Variants in LMLN observed in about 807,000 individuals in gnomAD.
LMLN encodes the protein leishmanolysin-like peptidase.
In LMLN, 70 loss-of-function variants were observed where a neutral mutation model predicts 92.3. The observed-to-expected ratio is 0.76, with a 90% CI of 0.63 to 0.92. The LOEUF is 0.92. Among genes scored for constraint, LMLN ranks in the 40% least tolerant of loss-of-function variants. LMLN has a pLI of 0.00. For synonymous variants in LMLN, 308 were observed against 296.2 expected, an observed-to-expected ratio of 1.04 and a Z score of -0.41; for missense variants, 691 against 814.6, an observed-to-expected ratio of 0.85 and a Z score of 1.85.
chr3:197,991,111 C>A (rs1163463519), intron 9 of LMLN, among the ~76,000 whole-genome samples: 1 of 137,894 alleles, frequency 7.3e-6, no homozygotes, highest in Non-Finnish European at 1.6e-5. Flanking sequence ...TTCTTTCTTT[C>A]TTTTTTTTTT....
At chr3:197,980,354 G>T in exon 6 of LMLN, 1 of 1,613,946 alleles carries the variant, frequency 6.2e-7, no homozygotes, top group Non-Finnish European at 8.5e-7. Context: ...GGGGGTAAGT[G>T]GCCTCATGGA....
intron 5 of LMLN, among the ~76,000 whole-genome samples, chr3:197,977,659 C>G (rs1159444929): frequency 6.6e-6 from 1 of 151,536 alleles, no homozygotes; most frequent in Non-Finnish European, 1.5e-5. Flanking sequence ...TAAAAATCAT[C>G]AAACAATCTG....
intron 11 of LMLN, among the ~76,000 whole-genome samples, chr3:198,017,504 A>G (rs757483829): frequency 1.1e-4 from 16 of 151,952 alleles, no homozygotes; most frequent in African/African-American, 3.6e-4. Flanking sequence ...AAATCGCCCA[A>G]CTCCTCTGCC....
At position 198,025,837 on chromosome 3, in the gene LMLN, A is replaced by G. The variant is rs1332440637; in HGVS notation, c.1656+1049A>G. ...AGGACAGCGTAAGCCTGAGAAATGC[A>G]GAATCAGCATTCCTGTGCCATTTCA... is the stretch of plus-strand genomic sequence containing the variant. On this transcript the variant is annotated intron_variant, in intron 14 of 15. Coordinates refer to ENST00000330198, the Ensembl canonical transcript of LMLN. The surrounding 1 kb of genome is among the most constrained non-coding windows in gnomAD (Gnocchi z 4.3). Among the ~76,000 whole-genome samples, 3 of 152,248 alleles carry G rather than the reference A, an allele frequency of 2.0e-5. No homozygotes were observed. The highest frequency in any genetic ancestry group is 4.4e-5 in the Non-Finnish European group (3 of 68,036).
In LMLN at chr3:197,996,289, T is replaced by A. The variant is rs1196225022; in HGVS notation, c.1155+7T>A. ...GGAAAAAAGGTTATTAGAGGTCAGT[T>A]TGTTTTTAAATTTTCCTAGACTTTA... On this transcript the variant is annotated splice_region_variant and intron_variant, in intron 10 of 15. Transcript: ENST00000330198. 1 of 1,503,982 alleles carries A rather than the reference T, an allele frequency of 6.6e-7. No individual in the cohort carries two copies. Among genetic ancestry groups the A allele is most frequent in the Non-Finnish European group, 9.0e-7 (1 of 1,105,728 alleles). 93.2% of individuals were successfully genotyped at this position (1,503,982 alleles called of 1,614,324 possible).
chr3:197,993,167 A>C (rs561484732), intron 9 of LMLN, among the ~76,000 whole-genome samples: 2 of 152,264 alleles, frequency 1.3e-5, no homozygotes, highest in Admixed American at 1.3e-4. Flanking sequence ...GACACCCACA[A>C]CCAATCTTAT....
intron 5 of LMLN, among the ~76,000 whole-genome samples, chr3:197,977,299 A>C (rs1721411624): frequency 1.3e-5 from 2 of 152,232 alleles, no homozygotes; most frequent in Admixed American, 1.3e-4. Flanking sequence ...ATCAGTATGC[A>C]GTTAGCCCAT....
At chr3:198,005,639 T>TTG in intron 11 of LMLN, among the ~76,000 whole-genome samples, 1 of 123,500 alleles carries the variant, frequency 8.1e-6, no homozygotes, top group Non-Finnish European at 1.7e-5. Flanking sequence ...TTTCTTTTTC[T>TTG]TTTTTTTTTT....
chr3:198,032,494 G>T (rs1723104024), intron 14 of LMLN, among the ~76,000 whole-genome samples: 1 of 152,122 alleles, frequency 6.6e-6, no homozygotes, highest in South Asian at 2.1e-4. Flanking sequence ...TCTGAGGCTG[G>T]GTAATTTATA....
At chr3:198,002,184 C>T (rs1175587842) in intron 11 of LMLN, among the ~76,000 whole-genome samples, 1 of 152,086 alleles carries the variant, frequency 6.6e-6, no homozygotes, top group Non-Finnish European at 1.5e-5. Context: ...CAAGGTCTCA[C>T]TCTATTTCCC....
At chr3:197,988,926 G>A (rs1721789237) in intron 8 of LMLN, among the ~76,000 whole-genome samples, 3 of 152,132 alleles carry the variant, frequency 2.0e-5, no homozygotes, top group South Asian at 4.2e-4. Flanking sequence ...CTAGTGATTC[G>A]CCCATCTCGG....
At chr3:197,990,776 G>A (rs1721845275) in intron 9 of LMLN, 100 bp downstream of exon 9, 4 of 510,186 alleles carry the variant, frequency 7.8e-6, no homozygotes, top group Non-Finnish European at 1.4e-5. Flanking sequence ...CTTATAATTA[G>A]AGCCTATAGT....
intron 13 of LMLN, among the ~76,000 whole-genome samples, chr3:198,022,205 G>A (rs910105934): frequency 1.3e-5 from 2 of 152,132 alleles, no homozygotes; most frequent in South Asian, 2.1e-4. Flanking sequence ...TTGTCTCATG[G>A]CCAGTAAGAT....
At chr3:197,985,112 G>A (rs1397545931) in intron 7 of LMLN, among the ~76,000 whole-genome samples, 5 of 152,140 alleles carry the variant, frequency 3.3e-5, no homozygotes, top group African/African-American at 4.8e-5. Context: ...GAACACATAC[G>A]AATGTTTATC....
In LMLN at chr3:197,998,495, T is replaced by C. The variant is rs546309125; in HGVS notation, c.1156-771T>C. On this transcript the variant is annotated intron_variant, in intron 10 of 15. Transcript: ENST00000330198. ...CATTGGCCAGAAATGAAAATGTTTG[T>C]GCTTTTCAGCAGAAGCGCTGACAGT... 2.6e-5 allele frequency among the ~76,000 whole-genome samples: 4 copies of C among 152,344 alleles called. No homozygotes were observed. The South Asian group carries it at 8.3e-4, about 32-fold the overall frequency.
At chr3:197,998,263 G>A (rs1319719765) in intron 10 of LMLN, among the ~76,000 whole-genome samples, 1 of 152,202 alleles carries the variant, frequency 6.6e-6, no homozygotes, top group Non-Finnish European at 1.5e-5. Context: ...TAAATAGATA[G>A]TTGCAGCTCA....
At chr3:198,024,735 G>A in exon 14 of LMLN, 1 of 1,612,458 alleles carries the variant, frequency 6.2e-7, no homozygotes, top group South Asian at 1.1e-5. Context: ...ATTCGTTATG[G>A]AGAAGTGTGA....
intron 11 of LMLN, among the ~76,000 whole-genome samples, chr3:198,012,353 C>A (rs1410821971): frequency 6.6e-6 from 1 of 152,224 alleles, no homozygotes; most frequent in Admixed American, 6.5e-5. Flanking sequence ...GCGGGAGCCA[C>A]CGTGTACATT....
At chr3:198,011,738 C>G (rs1252113592) in intron 11 of LMLN, among the ~76,000 whole-genome samples, 1 of 151,786 alleles carries the variant, frequency 6.6e-6, no homozygotes, top group East Asian at 1.9e-4. Context: ...ACAGTCCCAC[C>G]AACAATGTAA....
Sources: gnomAD v4.1 joint callset for allele counts (sites outside exome capture counted in the v4.1 genomes callset) on GRCh38, gnomAD v4.1.1 for gene constraint, Gnocchi (gnomAD v3.1) non-coding constraint, MANE v1.5 for transcripts, NCBI Gene and HGNC (gene_info 2026-07-23, HGNC 2026-07-21) for gene names.